DAB2: variants seen among roughly 807,000 people sequenced by gnomAD.
DAB2 encodes the protein DAB adaptor protein 2, also known as disabled homolog 2.
Under a neutral mutation model 71.6 loss-of-function variants are expected in DAB2, and 28 were observed. The ratio of observed to expected loss-of-function variants is 0.39; its 90% CI spans 0.29 to 0.54. The LOEUF is 0.54. DAB2 is among the 20% of genes least tolerant of loss of function. The pLI, the probability that DAB2 is intolerant of heterozygous loss-of-function variation, is 0.68. For missense variants in DAB2, 867 were observed against 928.8 expected (o/e 0.93, Z 0.86); for synonymous variants, 345 against 339.7 (o/e 1.02, Z -0.17).
chr5:39,398,633 T>C (rs993050809), intron 1 of DAB2, among the ~76,000 whole-genome samples: 4 of 152,138 alleles, frequency 2.6e-5, no homozygotes, highest in African/African-American at 9.7e-5. Flanking sequence ...CTTCCTGAAA[T>C]GATCAGAAGG....
rs1754792781 is a variant in DAB2 at position 39,375,093 on chromosome 5, A to G, written c.2248-9T>C. 2 of 1,594,256 alleles carry G rather than the reference A, an allele frequency of 1.3e-6. No homozygotes were observed. The highest frequency in any genetic ancestry group is 2.7e-5 in the African/African-American group (2 of 74,338). ...GGTTGAGAAGAAGCCACCTAAGAAG[A>G]TAAAATCATCTAGTCAATAAATACA... On this transcript the variant is annotated splice_polypyrimidine_tract_variant and intron_variant, in intron 13 of 14. Transcript: ENST00000320816.
intron 4 of DAB2, 98 bp downstream of exon 4, chr5:39,392,267 A>T: frequency 2.4e-6 from 2 of 839,158 alleles, no homozygotes; most frequent in Non-Finnish European, 4.1e-6. Flanking sequence ...TGTTCCCCAC[A>T]GAACTTTGAG....
intron 1 of DAB2, among the ~76,000 whole-genome samples, chr5:39,407,286 C>T (rs983821784): frequency 1.3e-5 from 2 of 152,212 alleles, no homozygotes; most frequent in African/African-American, 4.8e-5. Flanking sequence ...GAGGCGCGAT[C>T]TCAGCTCACT....
intron 1 of DAB2, among the ~76,000 whole-genome samples, chr5:39,424,476 C>T (rs1355532883): frequency 1.9e-4 from 1 of 5,162 alleles, no homozygotes; most frequent in African/African-American, 1.1e-3. Flanking sequence ...CTTTTACACA[C>T]ACACACACAC....
chr5:39,420,217 T>A (rs1755948246), intron 1 of DAB2, among the ~76,000 whole-genome samples: 1 of 152,238 alleles, frequency 6.6e-6, no homozygotes, highest in Non-Finnish European at 1.5e-5. Context: ...ACTGAATTAA[T>A]TTGTCAAATG....
chr5:39,402,966 ACT>A (rs1229428286), intron 1 of DAB2, among the ~76,000 whole-genome samples: 1 of 152,224 alleles, frequency 6.6e-6, no homozygotes, highest in Non-Finnish European at 1.5e-5. Context: ...GGAAAATTTT[ACT>A]GTGGAATTCT....
In DAB2 at chr5:39,383,176, G is replaced by A. The variant is rs1755023501; in HGVS notation, c.783C>T (p.Thr261=). Residue 261 remains threonine (T), a synonymous_variant, in exon 10 of 15, where the codon ACC becomes ACT. Coordinates refer to ENST00000320816, the MANE Select transcript of DAB2 (RefSeq NM_001343.4). ...RENPFLTNGI[T]SCSLPRPTPQ... ...GCGTTGGTCGAGGAAGAGAACAGGA[G>A]GTGATGCCGTTTGTTAAGAATGGAT... is the stretch of plus-strand genomic sequence containing the variant. 4 of 1,613,972 alleles carry A rather than the reference G, an allele frequency of 2.5e-6. No individual in the cohort carries two copies. Among genetic ancestry groups the A allele is most frequent in the South Asian group, 2.2e-5 (2 of 91,080 alleles).
intron 9 of DAB2, among the ~76,000 whole-genome samples, chr5:39,385,657 C>G (rs899976623): frequency 6.6e-6 from 1 of 152,260 alleles, no homozygotes; most frequent in African/African-American, 2.4e-5. Context: ...AGAACCTGCT[C>G]GTAGGGAGCT....
At chr5:39,375,497 G>A (rs533185700) in intron 13 of DAB2, among the ~76,000 whole-genome samples, 5 of 152,286 alleles carry the variant, frequency 3.3e-5, no homozygotes, top group African/African-American at 1.2e-4. Flanking sequence ...GAAGATAATA[G>A]TTCTTGTGCA....
At chr5:39,412,584 G>A (rs1247161881) in intron 1 of DAB2, among the ~76,000 whole-genome samples, 1 of 152,146 alleles carries the variant, frequency 6.6e-6, no homozygotes, top group Non-Finnish European at 1.5e-5. Context: ...TGGGGAGAAA[G>A]GAGAGTAGAG....
At chr5:39,419,605 A>G (rs1048025120) in intron 1 of DAB2, among the ~76,000 whole-genome samples, 2 of 152,250 alleles carry the variant, frequency 1.3e-5, no homozygotes, top group Admixed American at 1.3e-4. Flanking sequence ...GACATGGCAT[A>G]AAAACAAAAT....
intron 1 of DAB2, among the ~76,000 whole-genome samples, chr5:39,420,496 G>A (rs373326985): frequency 1.3e-5 from 2 of 152,026 alleles, no homozygotes; most frequent in Non-Finnish European, 2.9e-5. Context: ...TACCTTCAAC[G>A]TAACACTCAC....
intron 1 of DAB2, chr5:39,417,877 A>C (rs1353793487): frequency 6.6e-6 from 1 of 152,162 alleles, no homozygotes; most frequent in Non-Finnish European, 1.5e-5. Context: ...CTATCATTTC[A>C]ATTCTAGTAC....
At chr5:39,384,994 T>A (rs779833326) in intron 9 of DAB2, among the ~76,000 whole-genome samples, 6 of 151,454 alleles carry the variant, frequency 4.0e-5, no homozygotes, top group Non-Finnish European at 5.9e-5. Context: ...GAAAAAAAAA[T>A]ACCCAATTGT....
At chr5:39,410,760 G>A (rs982904302) in intron 1 of DAB2, among the ~76,000 whole-genome samples, 2 of 151,218 alleles carry the variant, frequency 1.3e-5, no homozygotes, top group Non-Finnish European at 2.9e-5. Flanking sequence ...TGTTAAATGA[G>A]TTTGGTTTAT....
chr5:39,414,982 C>G (rs1448878717), intron 1 of DAB2, among the ~76,000 whole-genome samples: 1 of 152,012 alleles, frequency 6.6e-6, no homozygotes, highest in Non-Finnish European at 1.5e-5. Context: ...AAAGAACAAG[C>G]AGGTCACAGT....
At chr5:39,400,145 T>C (rs1358965319) in intron 1 of DAB2, among the ~76,000 whole-genome samples, 1 of 152,128 alleles carries the variant, frequency 6.6e-6, no homozygotes, top group Admixed American at 6.5e-5. Context: ...AATTTATTTT[T>C]AACATTAAGG....
rs1755021933 is a variant in DAB2 at position 39,383,147 on chromosome 5, T to C, written c.812A>G (p.Gln271Arg). The C allele has an allele frequency of 6.2e-7, 1 of 1,614,154 alleles. No individual in the cohort carries two copies. Among genetic ancestry groups the C allele is most frequent in the Non-Finnish European group, 8.5e-7 (1 of 1,180,000 alleles). ...TSCSLPRPTP[Q>R]ASFLPENAFS... Reference sequence around the variant, plus strand: ...GGCATTTTCAGGCAAGAAGGATGCCTGAGGCGTTGGTCGAGGAAGAGAACA... The same window carrying C: ...GGCATTTTCAGGCAAGAAGGATGCCCGAGGCGTTGGTCGAGGAAGAGAACA... The change falls in exon 10 of 15, where the codon CAG (glutamine) becomes CGG (arginine). Residue 271 changes from glutamine (Q) to arginine (R), a missense_variant. Gln to Arg is a conservative substitution (Grantham distance 43). This residue lies in a region of DAB2 where 740 missense variants were observed against 734.3 expected (regional missense o/e 1.01). Transcript: ENST00000320816.
chr5:39,398,929 T>G (rs1164421690), intron 1 of DAB2, among the ~76,000 whole-genome samples: 1 of 152,168 alleles, frequency 6.6e-6, no homozygotes, highest in East Asian at 1.9e-4. Context: ...TGTAATGCAT[T>G]TGAATATTGT....
Sources: allele counts gnomAD v4.1 joint callset (sites outside exome capture counted in the v4.1 genomes callset), GRCh38; gene constraint gnomAD v4.1.1; regional missense constraint gnomAD v4.1.1; transcripts MANE v1.5; gene names NCBI Gene and HGNC (gene_info 2026-07-23, HGNC 2026-07-21).